The following RYR2 variants were observed in gnomAD, a reference collection of about 807,000 sequenced individuals.
RYR2 encodes ryanodine receptor 2.
In RYR2, 227 loss-of-function variants were observed where a neutral mutation model predicts 601.1. That is an observed-to-expected ratio of 0.38 (90% confidence interval 0.34 to 0.42). The LOEUF (loss-of-function observed/expected upper bound fraction) is 0.42, where lower values mean the gene tolerates loss of function less well. Ranked by LOEUF, RYR2 falls within the 10% of genes least tolerant of loss-of-function variation. The pLI, the probability that RYR2 is intolerant of heterozygous loss-of-function variation, is 1.00. For missense variants in RYR2, 4,646 were observed against 6,156.5 expected, an observed-to-expected ratio of 0.75 and a Z score of 8.21; for synonymous variants, 2,223 against 2,175.1, an observed-to-expected ratio of 1.02 and a Z score of -0.61.
chr1:237,208,753 A>G lies in RYR2; in HGVS notation c.49-61744A>G, dbSNP rs1270729001. Among the ~76,000 whole-genome samples, 42 of 151,648 alleles carry G rather than the reference A, an allele frequency of 2.8e-4. 2 individuals are homozygous for G. Among genetic ancestry groups the G allele is most frequent in the Admixed American group, 2.8e-3 (42 of 15,208 alleles). On this transcript the variant is annotated intron_variant, in intron 1 of 104. Transcript: ENST00000366574. ...AGTTCTACTCTCTTAGCAAATTTCA[A>G]GTGTCCAATACAGTGTTATTAACTA... is the stretch of plus-strand genomic sequence containing the variant.
Position 237,048,364 on chromosome 1 carries a change from G to A in RYR2, c.48+5795G>A, listed in dbSNP as rs939262274. Among the ~76,000 whole-genome samples the A allele has an allele frequency of 1.1e-4, 16 of 151,870 alleles. No homozygotes were observed. The East Asian group carries it at 1.2e-3, about 11-fold the overall frequency. ...CTCTTTGCAATCCAACTCAGATTTC[G>A]ATGTGTTTCATACTCCGTTAGCTTC... On this transcript the variant is annotated intron_variant, in intron 1 of 104. Coordinates refer to ENST00000366574, the MANE Select transcript of RYR2 (RefSeq NM_001035.3).
At chr1:237,199,413 G>C (rs1362618098) in intron 1 of RYR2, among the ~76,000 whole-genome samples, 1 of 152,232 alleles carries the variant, frequency 6.6e-6, no homozygotes, top group Non-Finnish European at 1.5e-5. Context: ...GAGTCCCAAA[G>C]CTGAAGAACT....
chr1:237,356,063 G>T, intron 4 of RYR2, 78 bp downstream of exon 4: 1 of 1,334,336 alleles, frequency 7.5e-7, no homozygotes, highest in Admixed American at 1.9e-5. Flanking sequence ...CTTTCATTTT[G>T]CTTCCTAGTG....
At chr1:237,397,790 C>T (rs1347085327) in intron 10 of RYR2, among the ~76,000 whole-genome samples, 3 of 150,598 alleles carry the variant, frequency 2.0e-5, no homozygotes, top group Non-Finnish European at 2.9e-5. Flanking sequence ...GGCGCCATCT[C>T]GGCTCACTGT....
intron 1 of RYR2, among the ~76,000 whole-genome samples, chr1:237,200,731 T>G (rs2149044448): frequency 6.6e-6 from 1 of 152,304 alleles, no homozygotes; most frequent in East Asian, 1.9e-4. Context: ...TCTGGCCAAA[T>G]AAGAGACAGA....
chr1:237,480,283 G>C (rs1181126348), intron 17 of RYR2, among the ~76,000 whole-genome samples: 1 of 151,298 alleles, frequency 6.6e-6, no homozygotes, highest in Non-Finnish European at 1.5e-5. Flanking sequence ...GCTGGGTGTG[G>C]TGGCATGCGC....
chr1:237,645,938 GCA>G (rs1558132289), intron 48 of RYR2, among the ~76,000 whole-genome samples: 20 of 149,718 alleles, frequency 1.3e-4, no homozygotes, highest in Admixed American at 3.3e-4. Context: ...ATGCAGTGGC[GCA>G]GTCTTGGCTC....
At chr1:237,459,549 T>C (rs942522413) in intron 16 of RYR2, among the ~76,000 whole-genome samples, 1 of 152,226 alleles carries the variant, frequency 6.6e-6, no homozygotes, top group Non-Finnish European at 1.5e-5. Context: ...TCTCTGTTCA[T>C]TGGTCCCTTC....
chr1:237,124,979 A>G (rs78745328), intron 1 of RYR2, among the ~76,000 whole-genome samples: 4 of 152,214 alleles, frequency 2.6e-5, no homozygotes, highest in Non-Finnish European at 4.4e-5. Flanking sequence ...GAGATTTTCA[A>G]CTTTGAGACC....
At chr1:237,592,290 A>G (rs1376624088) in intron 32 of RYR2, among the ~76,000 whole-genome samples, 2 of 152,204 alleles carry the variant, frequency 1.3e-5, no homozygotes, top group African/African-American at 2.4e-5. Flanking sequence ...TGTTCATTGT[A>G]GAGTGATCCC....
At chr1:237,154,709 G>A (rs551732884) in intron 1 of RYR2, among the ~76,000 whole-genome samples, 9 of 152,244 alleles carry the variant, frequency 5.9e-5, no homozygotes, top group East Asian at 3.9e-4. Flanking sequence ...TTGGACCTCC[G>A]TCCTATCCCT....
chr1:237,138,651 T>C (rs963141391), intron 1 of RYR2, among the ~76,000 whole-genome samples: 1 of 152,222 alleles, frequency 6.6e-6, no homozygotes, highest in Non-Finnish European at 1.5e-5. Context: ...GTTTACTCAT[T>C]ATAAAGTCAA....
chr1:237,452,327 A>G (rs945155502), intron 14 of RYR2, among the ~76,000 whole-genome samples: 1 of 146,494 alleles, frequency 6.8e-6, no homozygotes, highest in African/African-American at 2.5e-5. Flanking sequence ...ATTATATGCT[A>G]TACTACATAA....
intron 10 of RYR2, among the ~76,000 whole-genome samples, chr1:237,406,105 T>G (rs1233662421): frequency 6.8e-6 from 1 of 146,198 alleles, no homozygotes; most frequent in East Asian, 2.1e-4. Context: ...TCATGAAAAC[T>G]TTGCAGAGCT....
intron 76 of RYR2, among the ~76,000 whole-genome samples, chr1:237,728,032 A>G (rs1690340104): frequency 6.6e-6 from 1 of 152,086 alleles, no homozygotes; most frequent in Non-Finnish European, 1.5e-5. Flanking sequence ...TACTCCTTGC[A>G]CATCATACCA....
chr1:237,443,637 C>G (rs906204491), intron 13 of RYR2, among the ~76,000 whole-genome samples: 1 of 151,960 alleles, frequency 6.6e-6, no homozygotes, highest in Non-Finnish European at 1.5e-5. Flanking sequence ...TGTATATTTA[C>G]GGGGGAAGTT....
intron 73 of RYR2, among the ~76,000 whole-genome samples, chr1:237,721,472 A>G (rs75037365): frequency 0.021 from 3,250 of 152,178 alleles, 122 homozygotes; most frequent in African/African-American, 0.073. Context: ...TCCCATTTCT[A>G]ATGGAGATTC....
chr1:237,574,960 T>A (rs751339340), intron 29 of RYR2, among the ~76,000 whole-genome samples: 4 of 152,086 alleles, frequency 2.6e-5, no homozygotes, highest in Non-Finnish European at 5.9e-5. Flanking sequence ...ATGGCTAAGT[T>A]TGTGGTAGTG....
At chr1:237,465,648 A>ACAGC (rs1558865822) in intron 16 of RYR2, among the ~76,000 whole-genome samples, 12 of 152,136 alleles carry the variant, frequency 7.9e-5, no homozygotes, top group African/African-American at 2.4e-4. Flanking sequence ...GGCCTACTGC[A>ACAGC]TGGCTATGCT....
Sources: gnomAD v4.1 joint callset for allele counts (sites outside exome capture counted in the v4.1 genomes callset) on GRCh38, gnomAD v4.1.1 for gene constraint, MANE v1.5 for transcripts, NCBI Gene and HGNC (gene_info 2026-07-23, HGNC 2026-07-21) for gene names.